The following STXBP5L variants were observed in gnomAD, a reference collection of about 807,000 sequenced individuals.
STXBP5L encodes syntaxin-binding protein 5-like.
A neutral mutation model predicts 144.5 loss-of-function variants in STXBP5L; 65 were observed. The ratio of observed to expected loss-of-function variants is 0.45; its 90% CI spans 0.37 to 0.55. STXBP5L has a LOEUF of 0.55. STXBP5L is among the 20% of genes least tolerant of loss of function. The pLI, the probability that STXBP5L is intolerant of heterozygous loss-of-function variation, is 0.00. For synonymous variants in STXBP5L, 505 were observed against 469.6 expected, an observed-to-expected ratio of 1.08 and a Z score of -0.97; for missense variants, 1,298 against 1,405.5, an observed-to-expected ratio of 0.92 and a Z score of 1.22.
At chr3:120,926,380 A>G (rs1242401937) in intron 2 of STXBP5L, among the ~76,000 whole-genome samples, 1 of 120,022 alleles carries the variant, frequency 8.3e-6, no homozygotes, top group African/African-American at 3.2e-5. Context: ...TTCTTTCACC[A>G]CTCCCTGCTG....
intron 5 of STXBP5L, among the ~76,000 whole-genome samples, chr3:121,079,951 G>T (rs1053793685): frequency 6.6e-6 from 1 of 152,128 alleles, no homozygotes; most frequent in Non-Finnish European, 1.5e-5. Flanking sequence ...TTGTGTTGCT[G>T]TCTATTTTAT....
At chr3:121,296,533 C>A (rs1172764544) in intron 19 of STXBP5L, among the ~76,000 whole-genome samples, 2 of 152,048 alleles carry the variant, frequency 1.3e-5, no homozygotes, top group Admixed American at 1.3e-4. Flanking sequence ...TAAAATTATC[C>A]TTTTCTATGG....
intron 9 of STXBP5L, among the ~76,000 whole-genome samples, chr3:121,193,950 A>C (rs2047812868): frequency 7.2e-6 from 1 of 139,104 alleles, no homozygotes; most frequent in Non-Finnish European, 1.5e-5. Flanking sequence ...GTGCACATGT[A>C]CACTAGAAGT....
At chr3:121,384,764 T>G (rs1010736365) in intron 22 of STXBP5L, among the ~76,000 whole-genome samples, 2 of 152,032 alleles carry the variant, frequency 1.3e-5, no homozygotes, top group African/African-American at 2.4e-5. Flanking sequence ...AATTTTATAA[T>G]TGTAAAAATC....
chr3:121,033,259 A>T (rs1356131780), intron 3 of STXBP5L, among the ~76,000 whole-genome samples: 9 of 134,554 alleles, frequency 6.7e-5, no homozygotes, highest in Non-Finnish European at 1.3e-4. Context: ...TGATGAGTTC[A>T]TGTCCTTTGT....
chr3:121,136,036 C>T (rs2045242107), intron 7 of STXBP5L, among the ~76,000 whole-genome samples: 1 of 152,146 alleles, frequency 6.6e-6, no homozygotes, highest in Admixed American at 6.5e-5. Flanking sequence ...TGCCCTTAGG[C>T]CCTGAAGAAA....
chr3:121,220,895 G>A (rs995957653), intron 10 of STXBP5L, among the ~76,000 whole-genome samples: 23 of 151,850 alleles, frequency 1.5e-4, no homozygotes, highest in African/African-American at 5.3e-4. Context: ...TTGTTGTGAG[G>A]ATTACACAAA....
At chr3:121,019,707 A>C (rs536366611) in intron 3 of STXBP5L, among the ~76,000 whole-genome samples, 1 of 152,304 alleles carries the variant, frequency 6.6e-6, no homozygotes, top group East Asian at 1.9e-4. Context: ...AGGAAGCTCC[A>C]CCGCAGGAGA....
chr3:121,096,433 G>A (rs533280714), intron 5 of STXBP5L, among the ~76,000 whole-genome samples: 2 of 152,276 alleles, frequency 1.3e-5, no homozygotes, highest in Admixed American at 6.5e-5. Context: ...TGGAGAAGAG[G>A]TGTTCTGGTT....
intron 20 of STXBP5L, among the ~76,000 whole-genome samples, chr3:121,367,748 G>C (rs897300280): frequency 7.0e-6 from 1 of 143,776 alleles, no homozygotes; most frequent in Non-Finnish European, 1.5e-5. Context: ...AGCTGGGACT[G>C]TAGGCATTTG....
chr3:121,257,148 T>G lies in STXBP5L; in HGVS notation c.1660-13T>G, dbSNP rs1461680902. On this transcript the variant is annotated splice_polypyrimidine_tract_variant and intron_variant, in intron 16 of 26. Coordinates refer to ENST00000471454, the MANE Select transcript of STXBP5L (RefSeq NM_001308330.2). ...GTGTGACTTAAATTAAATTTAAACT[T>G]GATTTTTTTAAGTCATTAGAGGTAC... The G allele has an allele frequency of 2.6e-6, 4 of 1,565,836 alleles. No individual in the cohort carries two copies. In the African/African-American group the frequency reaches 5.4e-5, roughly 21 times the overall value.
intron 9 of STXBP5L, among the ~76,000 whole-genome samples, chr3:121,167,797 G>T (rs537682505): frequency 6.6e-6 from 1 of 152,304 alleles, no homozygotes; most frequent in East Asian, 1.9e-4. Context: ...TCTGAAGAAA[G>T]CAGTGGATCT....
chr3:121,190,642 A>AC (rs1355445531), intron 9 of STXBP5L, among the ~76,000 whole-genome samples: 2 of 76,772 alleles, frequency 2.6e-5, no homozygotes, highest in Non-Finnish European at 5.3e-5. Flanking sequence ...AGGCAGAGGC[A>AC]CCCCCCACCT....
chr3:121,346,159 G>C (rs1313362937), intron 20 of STXBP5L, among the ~76,000 whole-genome samples: 2 of 142,696 alleles, frequency 1.4e-5, no homozygotes, highest in African/African-American at 2.6e-5. Context: ...CTGTGTCCAT[G>C]TGTTCTCATT....
chr3:121,182,912 C>T (rs921348946), intron 9 of STXBP5L, among the ~76,000 whole-genome samples: 3 of 152,142 alleles, frequency 2.0e-5, no homozygotes, highest in Admixed American at 2.0e-4. Flanking sequence ...AAATCCTTAA[C>T]AAAATACTAG....
At chr3:121,257,649 G>A (rs2050250990) in intron 17 of STXBP5L, among the ~76,000 whole-genome samples, 1 of 152,190 alleles carries the variant, frequency 6.6e-6, no homozygotes, top group South Asian at 2.1e-4. Flanking sequence ...TGTTTATGGG[G>A]TGTGATGGCT....
chr3:121,415,869 G>A lies in STXBP5L; in HGVS notation c.3127G>A (p.Asp1043Asn). 1 of 1,605,454 alleles carries A rather than the reference G, an allele frequency of 6.2e-7. No homozygotes were observed. Among genetic ancestry groups the A allele is most frequent in the Non-Finnish European group, 8.5e-7 (1 of 1,175,438 alleles). The stretch of plus-strand genomic sequence containing the variant: ...GAATTTGATGCAGGACATGCTAGGA[G>A]ATTTGTTTACTCCCATAGAGACACC... The part of the protein sequence containing the change: ...MCDNLQDMLG[D>N]LFTPIETPEA... The change falls in exon 25 of 27, where the codon GAT (aspartate) becomes AAT (asparagine). Residue 1043 changes from aspartate (D) to asparagine (N), a missense_variant. Transcript: ENST00000471454.
chr3:120,914,256 T>G (rs1227808082), intron 2 of STXBP5L, among the ~76,000 whole-genome samples: 3 of 151,944 alleles, frequency 2.0e-5, no homozygotes, highest in Non-Finnish European at 4.4e-5. Flanking sequence ...AAGAGTAAAA[T>G]AAGTATATTA....
chr3:121,059,325 G>A (rs11717266), intron 5 of STXBP5L, among the ~76,000 whole-genome samples: 488 of 152,178 alleles, frequency 3.2e-3, no homozygotes, highest in East Asian at 7.3e-3. Flanking sequence ...GTGTTCCATA[G>A]GTCTGTATAT....
Sources: allele counts gnomAD v4.1 joint callset (sites outside exome capture counted in the v4.1 genomes callset), GRCh38; gene constraint gnomAD v4.1.1; transcripts MANE v1.5; gene names NCBI Gene and HGNC (gene_info 2026-07-23, HGNC 2026-07-21).